OSMR: variants seen among roughly 807,000 people sequenced by gnomAD.
The protein encoded by OSMR is oncostatin M receptor.
OSMR carries 81 observed loss-of-function variants against 99.9 expected under a neutral mutation model. That is an observed-to-expected ratio of 0.81 (90% CI 0.68 to 0.97). OSMR has a LOEUF of 0.97. Ranked by LOEUF, OSMR falls within the 50% of genes least tolerant of loss-of-function variation. The probability of loss-of-function intolerance (pLI) is 0.00; values close to 1 mark genes in which losing one functional copy is unlikely to be tolerated. For synonymous variants in OSMR, 406 were observed against 410.4 expected (o/e 0.99, Z 0.13); for missense variants, 1,099 against 1,153.4 (o/e 0.95, Z 0.68).
At chr5:38,846,610 C>A (rs1335177304) in intron 1 of OSMR, among the ~76,000 whole-genome samples, 1 of 152,178 alleles carries the variant, frequency 6.6e-6, no homozygotes, top group African/African-American at 2.4e-5. Flanking sequence ...ACCCTTGACT[C>A]CCACCTGAGA....
chr5:38,899,739 C>CT (rs1744772284), intron 7 of OSMR, among the ~76,000 whole-genome samples: 1 of 152,166 alleles, frequency 6.6e-6, no homozygotes, highest in African/African-American at 2.4e-5. Context: ...CCTCATGACT[C>CT]TGACTGGTGC....
In OSMR at chr5:38,925,361, G is replaced by T. The variant is rs748196253; in HGVS notation, c.2202G>T (p.Pro734=). The change falls in exon 15 of 18, where the codon CCG becomes CCT. Residue 734 remains proline, a synonymous_variant. Transcript: ENST00000274276. The part of the protein sequence containing the change: ...PSATFTKVTT[P]DEHSSMLIHI... ...CTACGTTCACGAAGGTCACGACTCC[G>T]GATGAACACTGTGAGTTTTCCCAAA... 5 of 1,613,448 alleles carry T rather than the reference G, an allele frequency of 3.1e-6. No individual in the cohort carries two copies. Among genetic ancestry groups the T allele is most frequent in the Non-Finnish European group, 4.2e-6 (5 of 1,179,550 alleles).
chr5:38,924,480 G>A lies in OSMR; in HGVS notation c.1929G>A (p.Leu643=). The A allele has an allele frequency of 6.2e-7, 1 of 1,614,032 alleles. No homozygotes were observed. Among genetic ancestry groups the A allele is most frequent in the Non-Finnish European group, 8.5e-7 (1 of 1,179,910 alleles). Residue 643 remains leucine, a synonymous_variant, in exon 14 of 18, where the codon CTG becomes CTA. Transcript: ENST00000274276. The part of the protein sequence containing the change: ...VDTLTSHSFT[L]SWKDYSTESQ... ...CATTGACATCCCACTCCTTCACTCT[G>A]AGTTGGAAAGATTACTCTACTGAAT... is the stretch of plus-strand genomic sequence containing the variant.
chr5:38,857,792 C>T (rs560482202), intron 1 of OSMR, among the ~76,000 whole-genome samples: 10 of 152,132 alleles, frequency 6.6e-5, no homozygotes, highest in East Asian at 1.9e-4. Context: ...TTCAGCCTCC[C>T]GAGTAGCTGG....
At chr5:38,864,862 CA>C (rs965269678) in intron 1 of OSMR, among the ~76,000 whole-genome samples, 1 of 152,050 alleles carries the variant, frequency 6.6e-6, no homozygotes, top group African/African-American at 2.4e-5. Flanking sequence ...TATAGAACAC[CA>C]AAAATTTGAG....
At chr5:38,911,457 T>A (rs1306004383) in intron 9 of OSMR, among the ~76,000 whole-genome samples, 1 of 152,304 alleles carries the variant, frequency 6.6e-6, no homozygotes, top group East Asian at 1.9e-4. Flanking sequence ...CAGGACCAGA[T>A]GCATTCACAG....
At chr5:38,903,431 G>A (rs1745021825) in intron 7 of OSMR, among the ~76,000 whole-genome samples, 1 of 152,204 alleles carries the variant, frequency 6.6e-6, no homozygotes, top group Non-Finnish European at 1.5e-5. Flanking sequence ...CCTCTTTCTA[G>A]GGAGGACTGG....
chr5:38,924,195 T>A (rs1457492755), intron 13 of OSMR: 1 of 404,778 alleles, frequency 2.5e-6, no homozygotes, highest in Non-Finnish European at 3.3e-6. Context: ...GGGTGTCCAT[T>A]CTTCATCTGT....
intron 1 of OSMR, among the ~76,000 whole-genome samples, chr5:38,861,933 C>A (rs552974294): frequency 7.6e-6 from 1 of 132,352 alleles, no homozygotes. Flanking sequence ...CTGACCCCCC[C>A]ACCTCCCACC....
chr5:38,861,012 C>CTA (rs1741243015), intron 1 of OSMR, among the ~76,000 whole-genome samples: 1 of 152,138 alleles, frequency 6.6e-6, no homozygotes, highest in African/African-American at 2.4e-5. Context: ...CCTTCAGGAG[C>CTA]TATTTTTCCA....
At chr5:38,869,888 GT>G (rs1352469812) in intron 2 of OSMR, among the ~76,000 whole-genome samples, 1 of 151,946 alleles carries the variant, frequency 6.6e-6, no homozygotes, top group East Asian at 1.9e-4. Flanking sequence ...ATTCTTTGCT[GT>G]ACTCCCCTTT....
At chr5:38,865,917 C>T (rs904247665) in intron 1 of OSMR, among the ~76,000 whole-genome samples, 8 of 152,186 alleles carry the variant, frequency 5.3e-5, no homozygotes, top group Admixed American at 3.3e-4. Flanking sequence ...AGGCCAGTTC[C>T]CAGACTCCAG....
intron 14 of OSMR, among the ~76,000 whole-genome samples, 157 bp downstream of exon 14, chr5:38,924,752 G>A (rs1469966845): frequency 6.6e-6 from 1 of 152,176 alleles, no homozygotes; most frequent in Non-Finnish European, 1.5e-5. Flanking sequence ...TTAGTAGGGT[G>A]AGCAAGATGG....
intron 7 of OSMR, among the ~76,000 whole-genome samples, chr5:38,897,745 G>T (rs540856853): frequency 6.6e-6 from 1 of 152,004 alleles, no homozygotes; most frequent in African/African-American, 2.4e-5. Context: ...GTTTTGATGT[G>T]GGCACTTATG....
intron 9 of OSMR, 115 bp from the exon 10 acceptor site, chr5:38,917,431 G>A: frequency 2.0e-6 from 3 of 1,506,392 alleles, no homozygotes; most frequent in East Asian, 5.2e-5. Context: ...AACGGGAGAG[G>A]CAAGCCTCAG....
intron 9 of OSMR, among the ~76,000 whole-genome samples, chr5:38,915,801 C>T (rs956839781): frequency 2.6e-5 from 4 of 152,132 alleles, no homozygotes; most frequent in East Asian, 1.9e-4. Flanking sequence ...TGAAGCAGCA[C>T]GTTCACAAAA....
At chr5:38,867,075 T>G (rs192735773) in intron 1 of OSMR, among the ~76,000 whole-genome samples, 4 of 152,188 alleles carry the variant, frequency 2.6e-5, no homozygotes, top group Admixed American at 6.6e-5. Context: ...TAAGAGGAGG[T>G]GAGTGCCCCG....
At chr5:38,875,106 T>C (rs1376690808) in intron 2 of OSMR, among the ~76,000 whole-genome samples, 1 of 152,216 alleles carries the variant, frequency 6.6e-6, no homozygotes, top group Non-Finnish European at 1.5e-5. Context: ...CCCCTGAAAC[T>C]AGAAAACTGA....
downstream of OSMR, chr5:38,945,238 A>G: frequency 1.6e-6 from 1 of 625,336 alleles, no homozygotes; most frequent in South Asian, 2.1e-5. Context: ...TAACTACAGC[A>G]TGCAAAGGGC....
Sources: gnomAD v4.1 joint callset for allele counts (sites outside exome capture counted in the v4.1 genomes callset) on GRCh38, gnomAD v4.1.1 for gene constraint, MANE v1.5 for transcripts, NCBI Gene and HGNC (gene_info 2026-07-23, HGNC 2026-07-21) for gene names.